Variants in ABCC12 observed in about 807,000 individuals in gnomAD.
ABCC12 encodes ATP binding cassette subfamily C member 12.
In ABCC12, 142 loss-of-function variants were observed where a neutral mutation model predicts 151.1. The observed-to-expected ratio is 0.94, with a 90% CI of 0.82 to 1.08. The LOEUF (loss-of-function observed/expected upper bound fraction) is 1.08, where lower values mean the gene tolerates loss of function less well. ABCC12 is among the 50% of genes least tolerant of loss of function. The probability of loss-of-function intolerance (pLI) is 0.00; values close to 1 mark genes in which losing one functional copy is unlikely to be tolerated. For synonymous variants in ABCC12, 645 were observed against 646.4 expected (o/e 1.00, Z 0.03); for missense variants, 1,638 against 1,691.1 (o/e 0.97, Z 0.55).
chr16:48,115,691 A>G (rs1333105811), intron 14 of ABCC12, 73 bp from the exon 15 acceptor site: 1 of 1,460,426 alleles, frequency 6.8e-7, no homozygotes, highest in Non-Finnish European at 9.3e-7. Flanking sequence ...AGCTTCCTGG[A>G]GCTTCTCAGG....
chr16:48,134,578 G>A (rs535867842), intron 8 of ABCC12, among the ~76,000 whole-genome samples: 23 of 152,334 alleles, frequency 1.5e-4, no homozygotes, highest in Admixed American at 1.5e-3. Context: ...ACAGAGCTCT[G>A]ACTGCAGTTT....
In ABCC12 at chr16:48,141,198, G is replaced by A. The variant is rs191033797; in HGVS notation, c.423+8C>T. The A allele has an allele frequency of 1.9e-5, 30 of 1,612,442 alleles. No individual in the cohort carries two copies. Among genetic ancestry groups the A allele is most frequent in the Admixed American group, 6.7e-5 (4 of 59,998 alleles). On this transcript the variant is annotated splice_region_variant and intron_variant, in intron 5 of 30. Coordinates refer to ENST00000311303, the MANE Select transcript of ABCC12 (RefSeq NM_001393797.1). ...TAGCAGATGAGGAGGAAGGGCTGCC[G>A]CACTCACCGGCCCTATGGCTGCCAT... is the stretch of plus-strand genomic sequence containing the variant.
rs149690635 is a variant in ABCC12 at position 48,148,435 on chromosome 16, C to T, written c.-50-1961G>A. On this transcript the variant is annotated intron_variant, in intron 2 of 30. Coordinates refer to ENST00000311303, the MANE Select transcript of ABCC12 (RefSeq NM_001393797.1). Reference sequence around the variant, plus strand: ...TATTTCTAGTAGAGACGAGGTCTTGCCATGTTGCCCAGGCTGGTCTCAAAC... The same window carrying T: ...TATTTCTAGTAGAGACGAGGTCTTGTCATGTTGCCCAGGCTGGTCTCAAAC... Among the ~76,000 whole-genome samples, 29 of 152,108 alleles carry T rather than the reference C, an allele frequency of 1.9e-4. No individual in the cohort carries two copies. The East Asian group carries it at 5.2e-3, about 27-fold the overall frequency.
chr16:48,152,012 G>A (rs1002612761), intron 2 of ABCC12, among the ~76,000 whole-genome samples: 1 of 152,212 alleles, frequency 6.6e-6, no homozygotes, highest in African/African-American at 2.4e-5. Context: ...GTGTGCCCGT[G>A]TCATGGGGCT....
chr16:48,116,278 G>A (rs763184476), intron 14 of ABCC12, among the ~76,000 whole-genome samples: 3 of 152,198 alleles, frequency 2.0e-5, no homozygotes, highest in Admixed American at 6.5e-5. Flanking sequence ...GGCACGGGGC[G>A]GGACACACAA....
At chr16:48,099,191 G>A (rs1439616963) in intron 23 of ABCC12, among the ~76,000 whole-genome samples, 2 of 152,156 alleles carry the variant, frequency 1.3e-5, no homozygotes, top group African/African-American at 4.8e-5. Flanking sequence ...GCCAAGGCAG[G>A]TGGATCACTT....
intron 3 of ABCC12, among the ~76,000 whole-genome samples, chr16:48,145,790 T>A (rs1290643094): frequency 6.6e-6 from 1 of 151,998 alleles, no homozygotes; most frequent in Non-Finnish European, 1.5e-5. Context: ...TGTACAGGAG[T>A]AAGCCTGGTC....
chr16:48,110,252 C>T (rs1963639111), intron 18 of ABCC12, among the ~76,000 whole-genome samples: 1 of 152,324 alleles, frequency 6.6e-6, no homozygotes, highest in Admixed American at 6.5e-5. Flanking sequence ...CACATTGTAA[C>T]ATCTCTGGAA....
At chr16:48,090,814 G>T (rs979492607) in intron 25 of ABCC12, among the ~76,000 whole-genome samples, 2 of 152,098 alleles carry the variant, frequency 1.3e-5, no homozygotes, top group Admixed American at 1.3e-4. Context: ...TGAAACCTCC[G>T]CCTCCTGGGC....
At chr16:48,134,328 T>C (rs1254223669) in intron 8 of ABCC12, among the ~76,000 whole-genome samples, 2 of 152,188 alleles carry the variant, frequency 1.3e-5, no homozygotes, top group African/African-American at 4.8e-5. Flanking sequence ...CTTGAGTTCC[T>C]TCAAGGGAAA....
chr16:48,141,579 C>T (rs540576241), intron 4 of ABCC12, among the ~76,000 whole-genome samples: 2 of 152,332 alleles, frequency 1.3e-5, no homozygotes, highest in South Asian at 4.1e-4. Flanking sequence ...CATCTGGGTC[C>T]TTGCCAGGCC....
intron 21 of ABCC12, 46 bp downstream of exon 21, chr16:48,105,093 T>A (rs758026121): frequency 6.2e-7 from 1 of 1,610,252 alleles, no homozygotes; most frequent in South Asian, 1.1e-5. Context: ...TCCGTATACC[T>A]TGTTGACTGA....
In ABCC12 at chr16:48,111,838, A is replaced by C. The variant is rs201852075; in HGVS notation, c.2062T>G (p.Leu688Val). The C allele has an allele frequency of 4.2e-5, 68 of 1,613,636 alleles. No individual in the cohort carries two copies. Among genetic ancestry groups the C allele is most frequent in the Non-Finnish European group, 4.4e-5 (52 of 1,179,932 alleles). The change falls in exon 16 of 31, where the codon TTA becomes GTA. Residue 688 changes from leucine (L) to valine (V), a missense_variant. Coordinates refer to ENST00000311303, the MANE Select transcript of ABCC12 (RefSeq NM_001393797.1). Reference sequence around the variant, plus strand: ...GCATAGCGCCCTCTCTCCTCCATTAACTCCTTGTGGGTTCCCTTTTCACAA... The same window carrying C: ...GCATAGCGCCCTCTCTCCTCCATTACCTCCTTGTGGGTTCCCTTTTCACAA... ...EICEKGTHKE[L>V]MEERGRYAKL...
intron 13 of ABCC12, among the ~76,000 whole-genome samples, chr16:48,120,094 A>G (rs908683175): frequency 6.6e-5 from 10 of 152,212 alleles, no homozygotes; most frequent in Non-Finnish European, 1.5e-4. Flanking sequence ...ATCAATGGTG[A>G]ATTGGATAAA....
At chr16:48,092,419 C>T (rs1194050228) in intron 24 of ABCC12, among the ~76,000 whole-genome samples, 1 of 152,172 alleles carries the variant, frequency 6.6e-6, no homozygotes, top group African/African-American at 2.4e-5. Flanking sequence ...GGCAAGGAAG[C>T]CAGGGTACAC....
intron 27 of ABCC12, 50 bp from the exon 28 acceptor site, chr16:48,086,869 A>T: frequency 2.0e-6 from 3 of 1,494,232 alleles, no homozygotes; most frequent in Non-Finnish European, 2.8e-6. Context: ...CAAGGACGAG[A>T]GGATGGATGC....
rs1962378017 is a variant in ABCC12 at position 48,082,367 on chromosome 16, G to A, written c.*1348C>T. 6.6e-6 allele frequency among the ~76,000 whole-genome samples: 1 copy of A among 152,246 alleles called. No homozygotes were observed. Among genetic ancestry groups the A allele is most frequent in the Non-Finnish European group, 1.5e-5 (1 of 68,046 alleles). On this transcript the variant is annotated 3_prime_UTR_variant, in exon 31 of 31. Coordinates refer to ENST00000311303, the MANE Select transcript of ABCC12 (RefSeq NM_001393797.1). The stretch of plus-strand genomic sequence containing the variant: ...GAGGAGGGCTGGAGAATAATCGGTT[G>A]GAGGTTAACCTCACATGCCCAGCCC...
chr16:48,109,554 AC>A lies in ABCC12; in HGVS notation c.2282-1026del, dbSNP rs1364165590. Among the ~76,000 whole-genome samples the A allele has an allele frequency of 2.8e-3, 431 of 152,320 alleles. 4 individuals are homozygous for A. Among genetic ancestry groups the A allele is most frequent in the African/African-American group, 9.9e-3 (410 of 41,554 alleles). ...AGAAGAGGGGGCACCCCACATACAG[AC>A]TGTGCACTCTGGCCCAACAGGAAAA... is the stretch of plus-strand genomic sequence containing the variant. On this transcript the variant is annotated intron_variant, in intron 18 of 30. Coordinates refer to ENST00000311303, the MANE Select transcript of ABCC12 (RefSeq NM_001393797.1).
intron 21 of ABCC12, 75 bp downstream of exon 21, chr16:48,105,064 C>T: frequency 6.4e-7 from 1 of 1,552,364 alleles, no homozygotes; most frequent in East Asian, 2.2e-5. Context: ...CAGCACCATG[C>T]CTGGCACACT....
Sources: gnomAD v4.1 joint callset for allele counts (sites outside exome capture counted in the v4.1 genomes callset) on GRCh38, gnomAD v4.1.1 for gene constraint, MANE v1.5 for transcripts, NCBI Gene and HGNC (gene_info 2026-07-23, HGNC 2026-07-21) for gene names.